The following SLC49A4 variants were observed in gnomAD, a reference collection of about 807,000 sequenced individuals.
The protein encoded by SLC49A4 is solute carrier family 49 member 4.
A neutral mutation model predicts 50.6 loss-of-function variants in SLC49A4; 36 were observed. The ratio of observed to expected loss-of-function variants is 0.71; its 90% CI spans 0.55 to 0.94. The LOEUF (loss-of-function observed/expected upper bound fraction) is 0.94, where lower values mean the gene tolerates loss of function less well. Ranked by LOEUF, SLC49A4 falls within the 40% of genes least tolerant of loss-of-function variation. The pLI is 0.00. For synonymous variants in SLC49A4, 248 were observed against 241.2 expected (o/e 1.03, Z -0.26); for missense variants, 503 against 605.7 (o/e 0.83, Z 1.78).
chr3:122,812,215 A>G (rs1936309504), intron 2 of SLC49A4, among the ~76,000 whole-genome samples: 1 of 152,182 alleles, frequency 6.6e-6, no homozygotes, highest in Non-Finnish European at 1.5e-5. Flanking sequence ...TCAGCCTTCC[A>G]AAGTGCTGGG....
chr3:122,844,396 T>C (rs1288440075), intron 4 of SLC49A4, among the ~76,000 whole-genome samples: 1 of 152,100 alleles, frequency 6.6e-6, no homozygotes, highest in African/African-American at 2.4e-5. Flanking sequence ...AACTACCTAC[T>C]CATTTGATGA....
At chr3:122,846,176 G>T (rs1157592690) in intron 5 of SLC49A4, among the ~76,000 whole-genome samples, 1 of 152,164 alleles carries the variant, frequency 6.6e-6, no homozygotes, top group Non-Finnish European at 1.5e-5. Flanking sequence ...ACCTTATAAA[G>T]AAGATTAAGA....
intron 4 of SLC49A4, among the ~76,000 whole-genome samples, chr3:122,840,671 A>C (rs752924129): frequency 6.6e-6 from 1 of 152,176 alleles, no homozygotes. Context: ...CTTAAAGCAC[A>C]TGTCAATTTG....
chr3:122,802,750 CAA>C (rs1340427449), intron 1 of SLC49A4, among the ~76,000 whole-genome samples: 1 of 152,058 alleles, frequency 6.6e-6, no homozygotes, highest in African/African-American at 2.4e-5. Context: ...AAAATATAAT[CAA>C]TGTCTGAGAT....
intron 2 of SLC49A4, among the ~76,000 whole-genome samples, chr3:122,818,341 AGT>A (rs1936405876): frequency 6.6e-6 from 1 of 152,186 alleles, no homozygotes. Flanking sequence ...TGATCAAGAG[AGT>A]GAGAGATGCA....
At chr3:122,853,730 G>A (rs1410247003) in intron 5 of SLC49A4, among the ~76,000 whole-genome samples, 12 of 152,194 alleles carry the variant, frequency 7.9e-5, no homozygotes, top group South Asian at 2.1e-4. Context: ...ACTATACTCC[G>A]GCCTGGGTGA....
intron 7 of SLC49A4, among the ~76,000 whole-genome samples, chr3:122,869,465 C>T (rs1475355577): frequency 1.3e-5 from 2 of 152,098 alleles, no homozygotes; most frequent in African/African-American, 4.8e-5. Context: ...TTTTAACCAA[C>T]CAACACCGCC....
At chr3:122,846,903 A>T (rs1936860831) in intron 5 of SLC49A4, among the ~76,000 whole-genome samples, 1 of 152,178 alleles carries the variant, frequency 6.6e-6, no homozygotes, top group Non-Finnish European at 1.5e-5. Flanking sequence ...TCCCCAGAGG[A>T]CTTTGGGGGA....
At chr3:122,815,608 G>A (rs1936354838) in intron 2 of SLC49A4, among the ~76,000 whole-genome samples, 1 of 152,200 alleles carries the variant, frequency 6.6e-6, no homozygotes, top group African/African-American at 2.4e-5. Context: ...CTCTTCCCAT[G>A]TAGAGAACAT....
At chr3:122,833,985 A>G (rs1019330978) in intron 4 of SLC49A4, among the ~76,000 whole-genome samples, 5 of 152,176 alleles carry the variant, frequency 3.3e-5, no homozygotes, top group African/African-American at 1.2e-4. Flanking sequence ...TTATTGGTAT[A>G]ACTTAGTATA....
chr3:122,799,126 A>T (rs2107553696), intron 1 of SLC49A4, among the ~76,000 whole-genome samples: 1 of 152,300 alleles, frequency 6.6e-6, no homozygotes, highest in South Asian at 2.1e-4. Flanking sequence ...AGTGTGTTCC[A>T]CGCACTGGGG....
intron 7 of SLC49A4, among the ~76,000 whole-genome samples, chr3:122,862,306 C>T (rs143632194): frequency 3.0e-4 from 46 of 152,180 alleles, no homozygotes; most frequent in African/African-American, 9.6e-4. Context: ...ATTACTGAGA[C>T]GCTAGGAGTG....
At chr3:122,815,873 T>C (rs1336850515) in intron 2 of SLC49A4, among the ~76,000 whole-genome samples, 2 of 152,200 alleles carry the variant, frequency 1.3e-5, no homozygotes, top group African/African-American at 4.8e-5. Flanking sequence ...GAAGATTACT[T>C]TAGGGATCAA....
intron 8 of SLC49A4, 106 bp from the exon 9 acceptor site, chr3:122,879,157 T>G: frequency 1.3e-6 from 1 of 789,642 alleles, no homozygotes; most frequent in Non-Finnish European, 2.1e-6. Flanking sequence ...CAGGGTACAT[T>G]TATTATAAGT....
intron 2 of SLC49A4, among the ~76,000 whole-genome samples, chr3:122,818,462 T>C (rs1936407728): frequency 6.6e-6 from 1 of 152,152 alleles, no homozygotes; most frequent in African/African-American, 2.4e-5. Context: ...ATGCATTTCT[T>C]TTCAAAATTT....
At position 122,859,951 on chromosome 3, in the gene SLC49A4, CT is replaced by C; in HGVS notation, c.1011-123del. On this transcript the variant is annotated intron_variant, in intron 6 of 8. Transcript: ENST00000261038. ...CAAGAAAATTTGTTTTAAAAAAACA[CT>C]GAAAACTGTCTTTTAAAAGAATATA... is the stretch of plus-strand genomic sequence containing the variant. 4 of 912,796 alleles carry C rather than the reference CT, an allele frequency of 4.4e-6. No homozygotes were observed. In the South Asian group the frequency reaches 1.1e-4, roughly 25 times the overall value. The allele number at this position is 912,796 out of a possible 1,614,324, so 56.5% of individuals were successfully genotyped here.
At chr3:122,841,296 T>C (rs1414129633) in intron 4 of SLC49A4, among the ~76,000 whole-genome samples, 1 of 152,256 alleles carries the variant, frequency 6.6e-6, no homozygotes, top group Non-Finnish European at 1.5e-5. Context: ...TGCCGTTCAT[T>C]GTGAAGTTTG....
rs1936840719 is a variant in SLC49A4 at position 122,845,793 on chromosome 3, A to G, written c.864A>G (p.Ala288=). ...TTCGATTTTTGATGATTGCTTTAGC[A>G]TATGCCATACCACTTGGTGTATTTG... ...SNFRFLMIAL[A]YAIPLGVFAG... is the part of the protein sequence containing the mutation. The change falls in exon 5 of 9, where the codon GCA becomes GCG. Residue 288 remains alanine, a synonymous_variant. Transcript: ENST00000261038. 6.2e-7 allele frequency: 1 copy of G among 1,610,738 alleles called. No individual in the cohort carries two copies. The highest frequency in any genetic ancestry group is 8.5e-7 in the Non-Finnish European group (1 of 1,178,550).
intron 2 of SLC49A4, 99 bp downstream of exon 2, chr3:122,807,049 A>AT (rs1936229352): frequency 3.5e-6 from 2 of 573,018 alleles, no homozygotes; most frequent in Non-Finnish European, 3.1e-6. Flanking sequence ...AGAAGCGTTT[A>AT]TTTTTTTACT....
Sources: allele counts gnomAD v4.1 joint callset (sites outside exome capture counted in the v4.1 genomes callset), GRCh38; gene constraint gnomAD v4.1.1; transcripts MANE v1.5; gene names NCBI Gene and HGNC (gene_info 2026-07-23, HGNC 2026-07-21).